MTHFSD: variants seen among roughly 807,000 people sequenced by gnomAD.
The protein encoded by MTHFSD is methenyltetrahydrofolate synthase domain-containing protein.
Under a neutral mutation model 31.1 loss-of-function variants are expected in MTHFSD, and 37 were observed. The observed-to-expected ratio is 1.19, with a 90% confidence interval of 0.91 to 1.56. MTHFSD has a LOEUF of 1.56. Ranked by LOEUF, MTHFSD falls within the 40% of genes most tolerant of loss-of-function variation. The probability of loss-of-function intolerance (pLI) is 0.00; values close to 1 mark genes in which losing one functional copy is unlikely to be tolerated. For missense variants in MTHFSD, 664 were observed against 510.1 expected, an observed-to-expected ratio of 1.30 and a Z score of -2.91; for synonymous variants, 221 against 206.9, an observed-to-expected ratio of 1.07 and a Z score of -0.59.
chr16:86,551,926 G>A, intron 3 of MTHFSD, 107 bp downstream of exon 3: 1 of 1,521,700 alleles, frequency 6.6e-7, no homozygotes, highest in Non-Finnish European at 8.8e-7. Context: ...GGAATCGGAA[G>A]CACCGACTTT....
intron 3 of MTHFSD, 132 bp downstream of exon 3, chr16:86,551,901 C>CT: frequency 6.7e-7 from 1 of 1,489,308 alleles, no homozygotes; most frequent in East Asian, 2.3e-5. Context: ...ACCAAGGGCA[C>CT]TTTCTGTATT....
intron 7 of MTHFSD, chr16:86,541,040 G>T (rs563954881): frequency 8.3e-7 from 1 of 1,210,640 alleles, no homozygotes; most frequent in African/African-American, 1.6e-5. Context: ...ACGTGGACAC[G>T]TATGCTTATT....
chr16:86,546,832 G>C lies in MTHFSD; in HGVS notation c.352-183C>G, dbSNP rs573288333. Reference sequence around the variant, plus strand: ...ATTCCAGAAACCGCTTTAGGGCACAGTTTCCCCAGTCTCTTTCCCAGAAAG... The same window carrying C: ...ATTCCAGAAACCGCTTTAGGGCACACTTTCCCCAGTCTCTTTCCCAGAAAG... On this transcript the variant is annotated intron_variant, in intron 4 of 7. Transcript: ENST00000360900. Among the ~76,000 whole-genome samples the C allele has an allele frequency of 3.9e-5, 6 of 152,380 alleles. No individual in the cohort carries two copies. The East Asian group carries it at 1.2e-3, about 29-fold the overall frequency.
chr16:86,555,227 G>C lies in MTHFSD; in HGVS notation c.-43C>G, dbSNP rs973064968. The C allele has an allele frequency of 3.9e-6, 6 of 1,535,450 alleles. No homozygotes were observed. The highest frequency in any genetic ancestry group is 5.2e-6 in the Non-Finnish European group (6 of 1,145,948). ...GCGACGCTTCCCGGCGCAGGTTCTG[G>C]CGCGTAGTGACGTCACCCGCTCCGC... On this transcript the variant is annotated 5_prime_UTR_variant, in exon 1 of 8. Coordinates refer to ENST00000360900, the MANE Select transcript of MTHFSD (RefSeq NM_001159377.2).
chr16:86,535,617 C>G (rs1258592241), intron 7 of MTHFSD: 22 of 618,040 alleles, frequency 3.6e-5, no homozygotes, highest in Non-Finnish European at 4.5e-5. Context: ...ATAGAATAAA[C>G]TTTAAGTTTA....
chr16:86,541,665 A>T (rs377224970), intron 7 of MTHFSD, 32 bp downstream of exon 7: 60 of 1,604,736 alleles, frequency 3.7e-5, no homozygotes, highest in South Asian at 2.8e-4. Flanking sequence ...CCGCTAAGCT[A>T]CAGGCCAGAG....
chr16:86,533,575 T>C (rs1341035859), intron 7 of MTHFSD: 5 of 152,174 alleles, frequency 3.3e-5, no homozygotes, highest in East Asian at 1.9e-4. Context: ...CAAGATGAAA[T>C]AGTTCAACTA....
chr16:86,547,580 G>T (rs2143766952), intron 4 of MTHFSD: 1 of 988,348 alleles, frequency 1.0e-6, no homozygotes, highest in Non-Finnish European at 1.2e-6. Flanking sequence ...TGCAAAGGAA[G>T]AGACGGCTTG....
At position 86,531,960 on chromosome 16, in the gene MTHFSD, C is replaced by T; in HGVS notation, c.*51G>A. On this transcript the variant is annotated 3_prime_UTR_variant, in exon 8 of 8. Coordinates refer to ENST00000360900, the MANE Select transcript of MTHFSD (RefSeq NM_001159377.2). This position sits in a 1 kb window ranked among gnomAD's most constrained non-coding sequence, Gnocchi z 5.5. ...TCGAGTGCCATCGGAACCGGAGCGG[C>T]AGGGGACGGGGATGGCGAGTCTGCA... 1 of 1,271,048 alleles carries T rather than the reference C, an allele frequency of 7.9e-7. No homozygotes were observed. Among genetic ancestry groups the T allele is most frequent in the Non-Finnish European group, 1.0e-6 (1 of 971,844 alleles). The allele number at this position is 1,271,048 out of a possible 1,614,324, so 78.7% of individuals were successfully genotyped here. A position where few individuals can be genotyped will look rare whatever the true frequency, so the allele number is the denominator to read the frequency against.
At position 86,532,273 on chromosome 16, in the gene MTHFSD, G is replaced by A. The variant is rs1192217161; in HGVS notation, c.890C>T (p.Pro297Leu). Residue 297 changes from proline (P) to leucine (L), a missense_variant, in exon 8 of 8, where the codon CCA (proline) becomes CTA (leucine). By Grantham distance (98) the Pro-to-Leu change is moderately conservative. Coordinates refer to ENST00000360900, the MANE Select transcript of MTHFSD (RefSeq NM_001159377.2). ...TGCAAGCGGGGCACCCTCCCCTGGT[G>A]GGGAGCCAGGGGCTGCCTCCATGGA... ...TNSMEAAPGS[P>L]PGEGAPLAAD... 4 of 1,565,696 alleles carry A rather than the reference G, an allele frequency of 2.6e-6. No individual in the cohort carries two copies. The highest frequency in any genetic ancestry group is 1.9e-5 in the Admixed American group (1 of 51,810).
At chr16:86,541,493 T>C in intron 7 of MTHFSD, 1 of 750,812 alleles carries the variant, frequency 1.3e-6, no homozygotes, top group South Asian at 1.9e-5. Flanking sequence ...AGCTGCTTTT[T>C]CGAATCCCAG....
At chr16:86,552,319 T>C (rs1358474480) in intron 2 of MTHFSD, 173 bp from the exon 3 acceptor site, 3 of 1,530,386 alleles carry the variant, frequency 2.0e-6, no homozygotes, top group Admixed American at 4.1e-5. Context: ...CGCACGTTAC[T>C]GAAAGGACAG....
intron 6 of MTHFSD, 130 bp from the exon 7 acceptor site, chr16:86,541,952 G>A (rs1033590700): frequency 2.8e-5 from 40 of 1,404,520 alleles, no homozygotes; most frequent in Non-Finnish European, 3.8e-5. Context: ...CTAAGGCTTA[G>A]CCGCTGTACC....
chr16:86,552,185 G>C, intron 2 of MTHFSD, 39 bp from the exon 3 acceptor site: 1 of 1,614,098 alleles, frequency 6.2e-7, no homozygotes, highest in Non-Finnish European at 8.5e-7. Context: ...TTACTTCAAG[G>C]ACGAAGAAGC....
rs187131927 is a variant in MTHFSD, at chr16:86,540,495, G to C, written c.681+1202C>G. On this transcript the variant is annotated intron_variant, in intron 7 of 7. Coordinates refer to ENST00000360900, the MANE Select transcript of MTHFSD (RefSeq NM_001159377.2). ...GCTCTCTGCCAGAGGAGGCTGTCCA[G>C]GCTCCCCCTAATACGGCTGCAATGG... Among the ~76,000 whole-genome samples, 696 of 152,298 alleles carry C rather than the reference G, an allele frequency of 4.6e-3. 6 individuals are homozygous for C. Among genetic ancestry groups the C allele is most frequent in the African/African-American group, 0.016 (672 of 41,554 alleles).
intron 2 of MTHFSD, chr16:86,553,138 C>T (rs1247331072): frequency 6.6e-6 from 1 of 152,236 alleles, no homozygotes; most frequent in African/African-American, 2.4e-5. Context: ...GTTCAGTACC[C>T]CTTCATTCCC....
intron 7 of MTHFSD, among the ~76,000 whole-genome samples, chr16:86,534,040 C>T (rs1328957692): frequency 6.6e-6 from 1 of 152,236 alleles, no homozygotes; most frequent in Non-Finnish European, 1.5e-5. Context: ...GGCACATGGC[C>T]TCATTTTGGT....
At chr16:86,534,409 C>T (rs532064395) in intron 7 of MTHFSD, among the ~76,000 whole-genome samples, 12 of 152,272 alleles carry the variant, frequency 7.9e-5, no homozygotes, top group African/African-American at 2.9e-4. Flanking sequence ...CAGATTTCTG[C>T]CGCAAAACCC....
rs1215146287 is a variant in MTHFSD, at chr16:86,542,424, A to G, written c.443-211T>C. ...TTCAACAGGAATAACAACACGGCCA[A>G]TGTCAGGTGGTGAAACTACAATGAC... On this transcript the variant is annotated intron_variant, in intron 5 of 7. Transcript: ENST00000360900. The surrounding 1 kb of genome is among the most constrained non-coding windows in gnomAD (Gnocchi z 4.6). 5 of 565,144 alleles carry G rather than the reference A, an allele frequency of 8.8e-6. No individual in the cohort carries two copies. In the Admixed American group the frequency reaches 1.3e-4, roughly 15 times the overall value. The allele number at this position is 565,144 out of a possible 1,614,324, so 35.0% of individuals were successfully genotyped here.
Sources: allele counts gnomAD v4.1 joint callset (sites outside exome capture counted in the v4.1 genomes callset), GRCh38; gene constraint gnomAD v4.1.1; non-coding constraint Gnocchi (gnomAD v3.1); transcripts MANE v1.5; gene names NCBI Gene and HGNC (gene_info 2026-07-23, HGNC 2026-07-21).